Variants in DIAPH2 observed in about 807,000 individuals in gnomAD.
DIAPH2 encodes the protein protein diaphanous homolog 2.
A neutral mutation model predicts 92.7 loss-of-function variants in DIAPH2; 35 were observed. The ratio of observed to expected loss-of-function variants is 0.38; its 90% confidence interval spans 0.29 to 0.50. DIAPH2 has a LOEUF of 0.50. DIAPH2 is among the 20% of genes least tolerant of loss of function. The pLI is 0.94. For synonymous variants in DIAPH2, 301 were observed against 280.4 expected (o/e 1.07, Z -0.73); for missense variants, 701 against 819.5 (o/e 0.86, Z 1.77).
intron 25 of DIAPH2, among the ~76,000 whole-genome samples, chrX:97,389,178 G>C (rs1436292706): frequency 9.1e-6 from 1 of 110,481 alleles, no homozygotes; most frequent in Non-Finnish European, 1.9e-5. Flanking sequence ...GTTAAAAATG[G>C]AGCCTATCGG....
intron 17 of DIAPH2, among the ~76,000 whole-genome samples, chrX:96,987,350 A>G (rs2066039357): frequency 9.0e-6 from 1 of 111,592 alleles, no homozygotes; most frequent in African/African-American, 3.2e-5. Context: ...TGCTCATTCA[A>G]CAAATATGTA....
At chrX:97,035,509 T>A (rs2147881809) in intron 17 of DIAPH2, among the ~76,000 whole-genome samples, 1 of 111,987 alleles carries the variant, frequency 8.9e-6, no homozygotes, top group Admixed American at 9.5e-5. Context: ...ATTTAACTGA[T>A]TAATCAACAA....
At chrX:96,836,789 G>A (rs1475869944) in intron 4 of DIAPH2, among the ~76,000 whole-genome samples, 20 of 81,627 alleles carry the variant, frequency 2.5e-4, no homozygotes, top group Admixed American at 7.7e-4. Flanking sequence ...GTGCAGTGGC[G>A]CGATCTCGGC....
At chrX:97,156,036 T>C (rs751292070) in intron 22 of DIAPH2, among the ~76,000 whole-genome samples, 1 of 112,255 alleles carries the variant, frequency 8.9e-6, no homozygotes, top group Admixed American at 9.4e-5. Context: ...CATTGACATG[T>C]GGCGGTGAGC....
intron 26 of DIAPH2, among the ~76,000 whole-genome samples, chrX:97,477,626 C>CTA (rs750457001): frequency 0.016 from 1,362 of 87,592 alleles, 24 homozygotes; most frequent in African/African-American, 0.052. Flanking sequence ...ATCTATCTAT[C>CTA]TATATATATA....
At chrX:97,457,560 T>C (rs1412946785) in intron 26 of DIAPH2, among the ~76,000 whole-genome samples, 1 of 111,792 alleles carries the variant, frequency 8.9e-6, no homozygotes, top group Non-Finnish European at 1.9e-5. Context: ...TTTCAGTGTC[T>C]CTCATGAGAT....
intron 23 of DIAPH2, among the ~76,000 whole-genome samples, chrX:97,281,374 A>C (rs1464358022): frequency 9.0e-6 from 1 of 111,113 alleles, no homozygotes; most frequent in Non-Finnish European, 1.9e-5. Flanking sequence ...AACATACTGA[A>C]ATTCATGGGT....
intron 23 of DIAPH2, among the ~76,000 whole-genome samples, chrX:97,287,662 T>C (rs2068553817): frequency 1.9e-5 from 2 of 107,112 alleles, no homozygotes; most frequent in African/African-American, 6.8e-5. Flanking sequence ...GGAATCAAGC[T>C]CTTGTCTTTT....
intron 22 of DIAPH2, among the ~76,000 whole-genome samples, chrX:97,219,719 G>A (rs899651435): frequency 2.7e-5 from 3 of 111,550 alleles, no homozygotes; most frequent in South Asian, 3.7e-4. Flanking sequence ...GAAGTACAGC[G>A]CTGAAGAGAA....
intron 17 of DIAPH2, among the ~76,000 whole-genome samples, chrX:97,032,280 A>C (rs943134100): frequency 6.3e-5 from 7 of 111,398 alleles, no homozygotes; most frequent in African/African-American, 2.3e-4. Context: ...TGCAATATAA[A>C]TTGAGGCAAG....
intron 26 of DIAPH2, among the ~76,000 whole-genome samples, chrX:97,556,886 CAA>C (rs1300027178): frequency 9.0e-6 from 1 of 111,487 alleles, no homozygotes; most frequent in Non-Finnish European, 1.9e-5. Context: ...TATAGTGTCA[CAA>C]ATATTAAATT....
chrX:96,792,194 A>G (rs1470447715), intron 4 of DIAPH2, among the ~76,000 whole-genome samples: 1 of 112,157 alleles, frequency 8.9e-6, no homozygotes, highest in African/African-American at 3.2e-5. Flanking sequence ...ATGTTGTTTT[A>G]TGATATTTAC....
At position 97,314,312 on chromosome X, in the gene DIAPH2, T is replaced by C. The variant is rs749173737; in HGVS notation, c.2845-33804T>C. ...CTGTAGTCCCAGCTACTCGGTAGGC[T>C]AAGACAGGGAGGATCACTTTAGCCC... is the stretch of plus-strand genomic sequence containing the variant. On this transcript the variant is annotated intron_variant, in intron 23 of 26. Coordinates refer to ENST00000324765, the MANE Select transcript of DIAPH2 (RefSeq NM_006729.5). Among the ~76,000 whole-genome samples, 7 of 109,739 alleles carry C rather than the reference T, an allele frequency of 6.4e-5. No homozygotes were observed. The East Asian group carries it at 8.6e-4, about 14-fold the overall frequency.
chrX:97,031,465 TTATAG>T (rs1219874681), intron 17 of DIAPH2, among the ~76,000 whole-genome samples: 1 of 111,502 alleles, frequency 9.0e-6, no homozygotes, highest in Non-Finnish European at 1.9e-5. Flanking sequence ...AAGGTGTTTA[TTATAG>T]TATAATGTAT....
At chrX:97,520,055 C>G (rs981452018) in intron 26 of DIAPH2, among the ~76,000 whole-genome samples, 6 of 111,962 alleles carry the variant, frequency 5.4e-5, no homozygotes, top group Non-Finnish European at 1.1e-4. Context: ...TCCCTACCCC[C>G]CTGCTTTTTC....
rs1190615516 is a variant in DIAPH2, at chrX:97,476,984, TACACACAC to T, written c.3241+47273_3241+47280del. 1.5e-3 allele frequency among the ~76,000 whole-genome samples: 88 copies of T among 57,062 alleles called. 2 individuals are homozygous for T. Among genetic ancestry groups the T allele is most frequent in the Middle Eastern group, 0.011 (1 of 92 alleles). 49.6% of individuals were successfully genotyped at this position (57,062 alleles called of 115,157 possible). A position where few individuals can be genotyped will look rare whatever the true frequency, so the allele number is the denominator to read the frequency against. On this transcript the variant is annotated intron_variant, in intron 26 of 26. Coordinates refer to ENST00000324765, the MANE Select transcript of DIAPH2 (RefSeq NM_006729.5). ...AAAAAAAAAAATATATATATATATATACACACACACACACACACACACACACACACACA... is the reference window on the plus strand; with the variant it reads ...AAAAAAAAAAATATATATATATATATACACACACACACACACACACACACA...
intron 22 of DIAPH2, among the ~76,000 whole-genome samples, chrX:97,202,916 A>G (rs1569328493): frequency 8.9e-6 from 1 of 112,275 alleles, no homozygotes; most frequent in Non-Finnish European, 1.9e-5. Flanking sequence ...GGACCACATA[A>G]TTGGAAGTAA....
At chrX:97,565,295 C>T (rs7879698) in intron 26 of DIAPH2, among the ~76,000 whole-genome samples, 205 of 111,964 alleles carry the variant, frequency 1.8e-3, no homozygotes, top group African/African-American at 6.2e-3. Flanking sequence ...ACCTATCATA[C>T]GGGATCCTTT....
At chrX:96,829,441 G>GTATA (rs748376906) in intron 4 of DIAPH2, among the ~76,000 whole-genome samples, 20 of 56,149 alleles carry the variant, frequency 3.6e-4, no homozygotes, top group South Asian at 1.3e-3. Context: ...ATATATATAT[G>GTATA]TATATATATA....
Sources: allele counts gnomAD v4.1 joint callset (sites outside exome capture counted in the v4.1 genomes callset), GRCh38; gene constraint gnomAD v4.1.1; transcripts MANE v1.5; gene names NCBI Gene and HGNC (gene_info 2026-07-23, HGNC 2026-07-21).